The following NFATC1 variants were observed in gnomAD, a reference collection of about 807,000 sequenced individuals.
NFATC1 encodes nuclear factor of activated T cells 1.
NFATC1 carries 22 observed loss-of-function variants against 76.0 expected under a neutral mutation model. The ratio of observed to expected loss-of-function variants is 0.29; its 90% CI spans 0.21 to 0.41. The LOEUF (loss-of-function observed/expected upper bound fraction) is 0.41. Ranked by LOEUF, NFATC1 falls within the 10% of genes least tolerant of loss-of-function variation. NFATC1 has a pLI of 1.00. For missense variants in NFATC1, 1,357 were observed against 1,337.7 expected, an observed-to-expected ratio of 1.01 and a Z score of -0.23; for synonymous variants, 704 against 613.1, an observed-to-expected ratio of 1.15 and a Z score of -2.19.
At chr18:79,414,202 G>A (rs994829345) in intron 2 of NFATC1, among the ~76,000 whole-genome samples, 9 of 152,126 alleles carry the variant, frequency 5.9e-5, no homozygotes, top group Non-Finnish European at 1.3e-4. Context: ...CCTCTCCGTC[G>A]GTCACATGCA....
At position 79,474,988 on chromosome 18, in the gene NFATC1, C is replaced by T. The variant is rs868185670; in HGVS notation, c.2092+7406C>T. ...ACTGTCGACGTAAACCTGAGGGAAG[C>T]GTGTTCTCACGCTCGCTGTCGACGT... On this transcript the variant is annotated intron_variant, in intron 8 of 9. Coordinates refer to ENST00000427363, the MANE Select transcript of NFATC1 (RefSeq NM_001278669.2). 1.2e-3 allele frequency among the ~76,000 whole-genome samples: 117 copies of T among 95,992 alleles called. 6 individuals carry two copies. The highest frequency in any genetic ancestry group is 0.018 in the Middle Eastern group (2 of 112). 63.0% of individuals were successfully genotyped at this position (95,992 alleles called of 152,430 possible).
intron 8 of NFATC1, among the ~76,000 whole-genome samples, chr18:79,477,630 G>A (rs772332266): frequency 1.7e-4 from 26 of 151,940 alleles, no homozygotes; most frequent in Admixed American, 1.4e-3. Flanking sequence ...GAGCACCACC[G>A]GCCGTACTGT....
At chr18:79,400,647 C>T (rs1207034473) in intron 1 of NFATC1, among the ~76,000 whole-genome samples, 1 of 148,552 alleles carries the variant, frequency 6.7e-6, no homozygotes, top group East Asian at 2.1e-4. Context: ...GTCCTGGGCT[C>T]GGATGCGGTT....
At chr18:79,456,044 C>G (rs761683322) in intron 6 of NFATC1, among the ~76,000 whole-genome samples, 1 of 152,192 alleles carries the variant, frequency 6.6e-6, no homozygotes, top group Non-Finnish European at 1.5e-5. Flanking sequence ...GCCATGGGAC[C>G]GTGACCGGTG....
rs540057924 is a variant in NFATC1 at position 79,476,608 on chromosome 18, C to T, written c.2092+9026C>T. ...TACCTGAGCTCTGCGTCTGTTTTCA[C>T]GCTTCTGTATGTGTAGGAAGCCCCC... On this transcript the variant is annotated intron_variant, in intron 8 of 9. Transcript: ENST00000427363. Among the ~76,000 whole-genome samples, 14 of 152,298 alleles carry T rather than the reference C, an allele frequency of 9.2e-5. No homozygotes were observed. The East Asian group carries it at 2.5e-3, about 27-fold the overall frequency.
rs372135638 is a variant in NFATC1, at chr18:79,474,303, A to G, written c.2092+6721A>G. Among the ~76,000 whole-genome samples the G allele has an allele frequency of 1.3e-3, 126 of 94,842 alleles. 1 individual carries two copies. Among genetic ancestry groups the G allele is most frequent in the Middle Eastern group, 0.012 (1 of 84 alleles). The allele number at this position is 94,842 out of a possible 152,430, so 62.2% of individuals were successfully genotyped here. ...GCGTGTTCTCACGCTCACTGTCGAC[A>G]TTGTAAACCTGAGGGAAGCGTGTTC... is the stretch of plus-strand genomic sequence containing the variant. On this transcript the variant is annotated intron_variant, in intron 8 of 9. Coordinates refer to ENST00000427363, the MANE Select transcript of NFATC1 (RefSeq NM_001278669.2).
At chr18:79,449,259 A>G (rs370347995) in intron 4 of NFATC1, among the ~76,000 whole-genome samples, 18 of 152,364 alleles carry the variant, frequency 1.2e-4, no homozygotes, top group African/African-American at 4.3e-4. Flanking sequence ...CAGGACCCCT[A>G]TTTCTTTCCG....
chr18:79,510,951 G>A (rs901298655), intron 9 of NFATC1, among the ~76,000 whole-genome samples: 6 of 152,192 alleles, frequency 3.9e-5, no homozygotes, highest in Admixed American at 1.3e-4. Flanking sequence ...CCGGGGCATC[G>A]TTCGCCGGTC....
intron 9 of NFATC1, 54 bp from the exon 10 acceptor site, chr18:79,527,474 C>G: frequency 2.7e-6 from 4 of 1,479,750 alleles, no homozygotes; most frequent in Non-Finnish European, 3.8e-6. Context: ...GGGGGCGTTG[C>G]TTTGATGTTT....
rs576400499 is a variant in NFATC1 at position 79,518,347 on chromosome 18, TGAA to T, written c.2783-9179_2783-9177del. ...AATGTCCCCATGAACCCCAGAAACATGAAGGAGGGGCACACGCCCACAGTAGAA... is the reference window on the plus strand; with the variant it reads ...AATGTCCCCATGAACCCCAGAAACATGGAGGGGCACACGCCCACAGTAGAA... On this transcript the variant is annotated intron_variant, in intron 9 of 9. Coordinates refer to ENST00000427363, the MANE Select transcript of NFATC1 (RefSeq NM_001278669.2). 1.5e-3 allele frequency among the ~76,000 whole-genome samples: 223 copies of T among 152,218 alleles called. 2 individuals carry two copies. Among genetic ancestry groups the T allele is most frequent in the Middle Eastern group, 6.8e-3 (2 of 294 alleles).
chr18:79,503,138 G>A (rs1234339171), intron 9 of NFATC1, among the ~76,000 whole-genome samples: 1 of 152,180 alleles, frequency 6.6e-6, no homozygotes, highest in Non-Finnish European at 1.5e-5. Context: ...ATCCCCAAAA[G>A]GAATGAGTAC....
At chr18:79,458,216 C>T (rs575598623) in intron 6 of NFATC1, among the ~76,000 whole-genome samples, 2 of 152,342 alleles carry the variant, frequency 1.3e-5, no homozygotes, top group South Asian at 2.1e-4. Context: ...GGACAGACTC[C>T]TGGGGGAGAG....
Position 79,396,218 on chromosome 18 carries a change from C to T in NFATC1, c.-7C>T. ...CCGCCGCTCCACTCCCCGCCGCCGC[C>T]GCGCGGATGCCAAGCACCAGCTTTC... On this transcript the variant is annotated 5_prime_UTR_variant, in exon 1 of 10. Coordinates refer to ENST00000427363, the MANE Select transcript of NFATC1 (RefSeq NM_001278669.2). The T allele has an allele frequency of 2.0e-6, 3 of 1,484,076 alleles. No homozygotes were observed. The highest frequency in any genetic ancestry group is 2.2e-4 in the Middle Eastern group (1 of 4,522). 91.9% of individuals were successfully genotyped at this position (1,484,076 alleles called of 1,614,324 possible).
At chr18:79,518,362 C>T (rs1227291366) in intron 9 of NFATC1, among the ~76,000 whole-genome samples, 1 of 152,236 alleles carries the variant, frequency 6.6e-6, no homozygotes, top group Non-Finnish European at 1.5e-5. Flanking sequence ...GAGGGGCACA[C>T]GCCCACAGTA....
At chr18:79,401,529 C>T (rs1449614785) in intron 1 of NFATC1, among the ~76,000 whole-genome samples, 3 of 152,246 alleles carry the variant, frequency 2.0e-5, no homozygotes, top group East Asian at 1.9e-4. Context: ...AGAGACCCGC[C>T]GGAGGCCCTT....
At chr18:79,402,980 C>T (rs1160793272) in intron 1 of NFATC1, among the ~76,000 whole-genome samples, 4 of 152,258 alleles carry the variant, frequency 2.6e-5, no homozygotes, top group African/African-American at 9.6e-5. Context: ...ATAGATTAGA[C>T]TAAGCACAGA....
chr18:79,441,940 G>A (rs888273001), intron 3 of NFATC1, among the ~76,000 whole-genome samples: 3 of 152,168 alleles, frequency 2.0e-5, no homozygotes, highest in Non-Finnish European at 4.4e-5. Context: ...CAAAGTGAGC[G>A]TGGCCGTCTC....
chr18:79,396,216 GC>G lies in NFATC1; in HGVS notation c.-7del. The G allele has an allele frequency of 2.7e-6, 4 of 1,475,632 alleles. No homozygotes were observed. Among genetic ancestry groups the G allele is most frequent in the South Asian group, 1.3e-5 (1 of 79,910 alleles). The allele number at this position is 1,475,632 out of a possible 1,614,324, so 91.4% of individuals were successfully genotyped here. A position where few individuals can be genotyped will look rare whatever the true frequency, so the allele number is the denominator to read the frequency against. On this transcript the variant is annotated 5_prime_UTR_variant, in exon 1 of 10. Transcript: ENST00000427363. ...GCCCGCCGCTCCACTCCCCGCCGCC[GC>G]CGCGCGGATGCCAAGCACCAGCTTT... is the stretch of plus-strand genomic sequence containing the variant.
chr18:79,401,325 G>A (rs759572436), intron 1 of NFATC1, among the ~76,000 whole-genome samples: 18 of 152,084 alleles, frequency 1.2e-4, no homozygotes, highest in Admixed American at 1.3e-4. Context: ...TGTAATGAGG[G>A]TCATATTTTC....
Sources: gnomAD v4.1 joint callset for allele counts (sites outside exome capture counted in the v4.1 genomes callset) on GRCh38, gnomAD v4.1.1 for gene constraint, MANE v1.5 for transcripts, NCBI Gene and HGNC (gene_info 2026-07-23, HGNC 2026-07-21) for gene names.